The following AHCYL2 variants were observed in gnomAD, a reference collection of about 807,000 sequenced individuals.
AHCYL2 encodes the protein S-adenosylhomocysteine hydrolase-like protein 2.
In AHCYL2, 28 loss-of-function variants were observed where a neutral mutation model predicts 81.4. That is an observed-to-expected ratio of 0.34 (90% CI 0.25 to 0.47). The LOEUF is 0.47. Ranked by LOEUF, AHCYL2 falls within the 20% of genes least tolerant of loss-of-function variation. AHCYL2 has a pLI of 1.00. For missense variants in AHCYL2, 551 were observed against 785.1 expected (o/e 0.70, Z 3.56); for synonymous variants, 272 against 290.2 (o/e 0.94, Z 0.64).
At chr7:129,327,661 T>C (rs931998349) in intron 1 of AHCYL2, among the ~76,000 whole-genome samples, 2 of 152,118 alleles carry the variant, frequency 1.3e-5, no homozygotes, top group African/African-American at 4.8e-5. Flanking sequence ...AGACGAGGTT[T>C]TACCATCTTG....
At chr7:129,310,825 A>C (rs946711643) in intron 1 of AHCYL2, among the ~76,000 whole-genome samples, 2 of 152,098 alleles carry the variant, frequency 1.3e-5, no homozygotes, top group African/African-American at 4.8e-5. Flanking sequence ...AACAGACTTG[A>C]TGGGCCAGGC....
chr7:129,425,632 T>A (rs1255874841), intron 15 of AHCYL2, among the ~76,000 whole-genome samples: 1 of 152,230 alleles, frequency 6.6e-6, no homozygotes, highest in African/African-American at 2.4e-5. Context: ...TGTGGGTGTT[T>A]TGTATAAGAG....
At chr7:129,239,224 T>G (rs1794752624) in intron 1 of AHCYL2, among the ~76,000 whole-genome samples, 1 of 152,178 alleles carries the variant, frequency 6.6e-6, no homozygotes, top group African/African-American at 2.4e-5. Flanking sequence ...AAGTTTGGAA[T>G]CATTTAGATC....
intron 11 of AHCYL2, among the ~76,000 whole-genome samples, chr7:129,412,530 C>G (rs183658959): frequency 1.6e-4 from 24 of 152,102 alleles, no homozygotes; most frequent in East Asian, 1.6e-3. Flanking sequence ...ATCCACCCCC[C>G]TCAGCCTCCC....
chr7:129,327,944 C>T (rs1314431192), intron 1 of AHCYL2, among the ~76,000 whole-genome samples: 3 of 152,114 alleles, frequency 2.0e-5, no homozygotes, highest in African/African-American at 4.8e-5. Context: ...CAGGTATGCA[C>T]CACCACACCC....
chr7:129,280,189 T>TTTTTTTTTTTA (rs1563179028), intron 1 of AHCYL2, among the ~76,000 whole-genome samples: 1 of 148,948 alleles, frequency 6.7e-6, no homozygotes, highest in Admixed American at 6.7e-5. Flanking sequence ...TTTTTTTTTT[T>TTTTTTTTTTTA]GAGAGAGTCT....
chr7:129,225,575 C>G, intron 1 of AHCYL2, 136 bp downstream of exon 1: 1 of 1,356,814 alleles, frequency 7.4e-7, no homozygotes, highest in South Asian at 1.7e-5. Flanking sequence ...CCCCTTAAAC[C>G]CACTCTCTCA....
At chr7:129,234,187 A>G (rs1029969714) in intron 1 of AHCYL2, among the ~76,000 whole-genome samples, 2 of 152,068 alleles carry the variant, frequency 1.3e-5, no homozygotes, top group Admixed American at 6.6e-5. Flanking sequence ...AGTAGCTGGG[A>G]CTATAGGTGC....
intron 1 of AHCYL2, among the ~76,000 whole-genome samples, chr7:129,313,590 T>C (rs1478938162): frequency 1.3e-5 from 2 of 152,184 alleles, no homozygotes; most frequent in African/African-American, 4.8e-5. Context: ...GAAGTGATAA[T>C]ACCTTGAGTT....
At chr7:129,275,679 T>C (rs927442344) in intron 1 of AHCYL2, among the ~76,000 whole-genome samples, 1 of 152,164 alleles carries the variant, frequency 6.6e-6, no homozygotes, top group Non-Finnish European at 1.5e-5. Flanking sequence ...CAAATCAGTA[T>C]GCATCTTATA....
intron 1 of AHCYL2, among the ~76,000 whole-genome samples, chr7:129,374,863 G>T (rs1794599752): frequency 1.3e-5 from 2 of 148,366 alleles, no homozygotes; most frequent in Admixed American, 6.7e-5. Flanking sequence ...TCAACAAGCA[G>T]TCTTTTTTTT....
intron 3 of AHCYL2, among the ~76,000 whole-genome samples, 192 bp downstream of exon 3, chr7:129,389,391 A>AG (rs1234641796): frequency 6.6e-6 from 1 of 151,634 alleles, no homozygotes; most frequent in Non-Finnish European, 1.5e-5. Flanking sequence ...TATTAAAAAA[A>AG]AAAAAAAAAA....
intron 2 of AHCYL2, among the ~76,000 whole-genome samples, chr7:129,383,372 G>A (rs115387487): frequency 6.6e-6 from 1 of 151,764 alleles, no homozygotes; most frequent in Non-Finnish European, 1.5e-5. Context: ...GTCTCACTTT[G>A]TTGCCTAGGC....
In AHCYL2 at chr7:129,419,617, A is replaced by G. The variant is rs1797017645; in HGVS notation, c.1462-3223A>G. The stretch of plus-strand genomic sequence containing the variant: ...GAAGGCCTGTGTAATTGTAAGCTTC[A>G]CAATTCAGGTGGTCAAACCAGTAAG... On this transcript the variant is annotated intron_variant, in intron 12 of 16. Transcript: ENST00000325006. This position sits in a 1 kb window ranked among gnomAD's most constrained non-coding sequence, Gnocchi z 4.7. Among the ~76,000 whole-genome samples, 1 of 152,174 alleles carries G rather than the reference A, an allele frequency of 6.6e-6. No homozygotes were observed. The highest frequency in any genetic ancestry group is 1.5e-5 in the Non-Finnish European group (1 of 68,036).
At chr7:129,248,271 G>T (rs2150699091) in intron 1 of AHCYL2, among the ~76,000 whole-genome samples, 1 of 152,194 alleles carries the variant, frequency 6.6e-6, no homozygotes, top group East Asian at 1.9e-4. Context: ...TTATCCCTTG[G>T]TTTCCTTGGG....
chr7:129,290,920 A>G (rs1186885526), intron 1 of AHCYL2, among the ~76,000 whole-genome samples: 4 of 150,300 alleles, frequency 2.7e-5, no homozygotes, highest in Non-Finnish European at 5.9e-5. Context: ...ACAGAGTGAG[A>G]CTCCATCTCA....
At chr7:129,351,927 T>C (rs983382749) in intron 1 of AHCYL2, among the ~76,000 whole-genome samples, 9 of 152,328 alleles carry the variant, frequency 5.9e-5, no homozygotes, top group Admixed American at 2.0e-4. Context: ...CATTAGTTAT[T>C]GTATTTGTCA....
chr7:129,392,604 A>G (rs1398072150), intron 4 of AHCYL2, among the ~76,000 whole-genome samples: 2 of 152,224 alleles, frequency 1.3e-5, no homozygotes, highest in East Asian at 3.8e-4. Context: ...CATTCAGACC[A>G]TAGCAATCCC....
chr7:129,256,549 A>ACCC (rs58653086), intron 1 of AHCYL2, among the ~76,000 whole-genome samples: 847 of 63,660 alleles, frequency 0.013, 6 homozygotes, highest in African/African-American at 0.02. Flanking sequence ...CCCACCCCCC[A>ACCC]CCCCCCCCCC....
Sources: allele counts gnomAD v4.1 joint callset (sites outside exome capture counted in the v4.1 genomes callset), GRCh38; gene constraint gnomAD v4.1.1; non-coding constraint Gnocchi (gnomAD v3.1); transcripts MANE v1.5; gene names NCBI Gene and HGNC (gene_info 2026-07-23, HGNC 2026-07-21).